Variants in EFHD1 observed in about 807,000 individuals in gnomAD.
EFHD1 encodes the protein EF-hand domain-containing protein D1.
In EFHD1, 10 loss-of-function variants were observed where a neutral mutation model predicts 17.2. The ratio of observed to expected loss-of-function variants is 0.58; its 90% confidence interval spans 0.36 to 0.99. The LOEUF (loss-of-function observed/expected upper bound fraction) is 0.99, where lower values mean the gene tolerates loss of function less well. Among genes scored for constraint, EFHD1 ranks in the 50% least tolerant of loss-of-function variants. The pLI is 0.01. For missense variants in EFHD1, 310 were observed against 327.5 expected (o/e 0.95, Z 0.41); for synonymous variants, 153 against 142.0 (o/e 1.08, Z -0.55).
At chr2:232,662,675 C>T in intron 1 of EFHD1, 127 bp from the exon 2 acceptor site, 1 of 1,309,266 alleles carries the variant, frequency 7.6e-7, no homozygotes, top group Non-Finnish European at 1.0e-6. Flanking sequence ...AGCAGGTGAC[C>T]CACATTGGCC....
chr2:232,664,009 G>C (rs1694924175), intron 2 of EFHD1, among the ~76,000 whole-genome samples: 1 of 152,002 alleles, frequency 6.6e-6, no homozygotes, highest in Non-Finnish European at 1.5e-5. Flanking sequence ...GTCCAGGCTG[G>C]TCTCCAACTC....
intron 1 of EFHD1, among the ~76,000 whole-genome samples, chr2:232,621,585 T>C (rs1486068513): frequency 6.6e-6 from 1 of 152,166 alleles, no homozygotes; most frequent in Admixed American, 6.5e-5. Flanking sequence ...CCCAAGTAGC[T>C]GGGATTATGG....
At chr2:232,649,256 G>A (rs4973049) in intron 1 of EFHD1, among the ~76,000 whole-genome samples, 14,846 of 152,206 alleles carry the variant, frequency 0.098, 1,023 homozygotes, top group African/African-American at 0.19. Flanking sequence ...GCCCTTTGGC[G>A]GATCTGGGGG....
At chr2:232,609,348 A>T (rs1212340948) in intron 1 of EFHD1, among the ~76,000 whole-genome samples, 3 of 152,230 alleles carry the variant, frequency 2.0e-5, no homozygotes, top group Admixed American at 2.0e-4. Flanking sequence ...GGCATGAGCC[A>T]CTGCACCCAG....
intron 1 of EFHD1, among the ~76,000 whole-genome samples, chr2:232,638,707 T>C (rs1694367107): frequency 6.6e-6 from 1 of 152,178 alleles, no homozygotes; most frequent in Non-Finnish European, 1.5e-5. Context: ...GAATTGACTC[T>C]AAAAATGGGA....
At chr2:232,641,467 A>T (rs1006354820) in intron 1 of EFHD1, among the ~76,000 whole-genome samples, 1 of 152,202 alleles carries the variant, frequency 6.6e-6, no homozygotes, top group Non-Finnish European at 1.5e-5. Context: ...CCGAAAGCTT[A>T]TGGAGGCTAG....
intron 1 of EFHD1, among the ~76,000 whole-genome samples, chr2:232,642,883 A>G (rs1161555650): frequency 6.6e-6 from 1 of 152,120 alleles, no homozygotes; most frequent in South Asian, 2.1e-4. Context: ...TTCTGCCTGT[A>G]TTACTTGGGA....
chr2:232,611,205 G>A (rs1442281501), intron 1 of EFHD1, among the ~76,000 whole-genome samples: 1 of 152,026 alleles, frequency 6.6e-6, no homozygotes, highest in Non-Finnish European at 1.5e-5. Flanking sequence ...TCCTGGCCTT[G>A]AGAGTTCCTC....
chr2:232,679,301 TAAA>T (rs1252937766), intron 3 of EFHD1, among the ~76,000 whole-genome samples: 1 of 152,116 alleles, frequency 6.6e-6, no homozygotes, highest in African/African-American at 2.4e-5. Flanking sequence ...GCCTTAAAGT[TAAA>T]AGACGAGCAA....
At chr2:232,622,299 C>G (rs945926393) in intron 1 of EFHD1, among the ~76,000 whole-genome samples, 1 of 152,192 alleles carries the variant, frequency 6.6e-6, no homozygotes, top group African/African-American at 2.4e-5. Flanking sequence ...GAAACCCCGA[C>G]CCTATTAAAA....
At chr2:232,670,572 C>T (rs2106216040) in intron 2 of EFHD1, among the ~76,000 whole-genome samples, 1 of 151,744 alleles carries the variant, frequency 6.6e-6, no homozygotes, top group African/African-American at 2.4e-5. Flanking sequence ...GCAAGGATTA[C>T]TAACCAACCA....
At chr2:232,634,508 G>GTT (rs1280181747) in intron 1 of EFHD1, among the ~76,000 whole-genome samples, 1 of 152,234 alleles carries the variant, frequency 6.6e-6, no homozygotes, top group Admixed American at 6.5e-5. Context: ...GGGGAGTTTG[G>GTT]TAAAGTCGTT....
intron 3 of EFHD1, 98 bp from the exon 4 acceptor site, chr2:232,681,487 C>G (rs1031121601): frequency 2.0e-6 from 3 of 1,516,594 alleles, no homozygotes; most frequent in Non-Finnish European, 2.7e-6. Flanking sequence ...TCCCTTGTCT[C>G]TAGGTCTGCT....
At chr2:232,677,642 G>A (rs1182082881) in intron 3 of EFHD1, among the ~76,000 whole-genome samples, 1 of 152,170 alleles carries the variant, frequency 6.6e-6, no homozygotes, top group Non-Finnish European at 1.5e-5. Flanking sequence ...AGGAACACTT[G>A]AGCCTGGGAG....
At chr2:232,657,144 G>A (rs1217333075) in intron 1 of EFHD1, among the ~76,000 whole-genome samples, 1 of 152,120 alleles carries the variant, frequency 6.6e-6, no homozygotes, top group Non-Finnish European at 1.5e-5. Context: ...ACATTATTAT[G>A]CAACCATCAC....
chr2:232,675,937 A>G (rs1221432638), intron 3 of EFHD1, among the ~76,000 whole-genome samples: 1 of 152,038 alleles, frequency 6.6e-6, no homozygotes, highest in African/African-American at 2.4e-5. Flanking sequence ...GCACTTTAGG[A>G]GGGTGAGGTG....
At chr2:232,618,461 G>A (rs868233267) in intron 1 of EFHD1, among the ~76,000 whole-genome samples, 3 of 151,800 alleles carry the variant, frequency 2.0e-5, no homozygotes, top group Admixed American at 1.3e-4. Context: ...GGTGGCGTGC[G>A]CCTATAATCC....
At chr2:232,613,609 C>CACACACACACACACATAT (rs1415842388) in intron 1 of EFHD1, among the ~76,000 whole-genome samples, 1 of 127,080 alleles carries the variant, frequency 7.9e-6, no homozygotes, top group African/African-American at 2.9e-5. Context: ...GAACCACACA[C>CACACACACACACACATAT]ACACACACAC....
chr2:232,656,476 C>T (rs1420343361), intron 1 of EFHD1, among the ~76,000 whole-genome samples: 1 of 151,290 alleles, frequency 6.6e-6, no homozygotes, highest in Non-Finnish European at 1.5e-5. Context: ...ACTCTGTCAC[C>T]CAGGCTGGAG....
Sources: allele counts gnomAD v4.1 joint callset (sites outside exome capture counted in the v4.1 genomes callset), GRCh38; gene constraint gnomAD v4.1.1; transcripts MANE v1.5; gene names NCBI Gene and HGNC (gene_info 2026-07-23, HGNC 2026-07-21).